The following CNTN5 variants were observed in gnomAD, a reference collection of about 807,000 sequenced individuals.
CNTN5 encodes the protein contactin-5.
Under a neutral mutation model 129.1 loss-of-function variants are expected in CNTN5, and 77 were observed. The observed-to-expected ratio is 0.60, with a 90% CI of 0.50 to 0.72. The LOEUF (loss-of-function observed/expected upper bound fraction) is 0.72. CNTN5 is among the 30% of genes least tolerant of loss of function. The pLI is 0.00. For synonymous variants in CNTN5, 509 were observed against 465.6 expected, an observed-to-expected ratio of 1.09 and a Z score of -1.20; for missense variants, 1,478 against 1,328.8, an observed-to-expected ratio of 1.11 and a Z score of -1.75.
chr11:99,946,872 C>T (rs545796238), intron 7 of CNTN5, among the ~76,000 whole-genome samples: 2 of 151,696 alleles, frequency 1.3e-5, no homozygotes, highest in East Asian at 1.9e-4. Context: ...AAAAAATTGT[C>T]TAGTAAGATA....
At chr11:100,055,835 CAT>C (rs2137771924) in intron 9 of CNTN5, among the ~76,000 whole-genome samples, 1 of 151,558 alleles carries the variant, frequency 6.6e-6, no homozygotes, top group South Asian at 2.1e-4. Context: ...TCAGATATTA[CAT>C]AGTCTTCTCT....
At chr11:99,118,882 A>ATATTTAGATATTTCATACT (rs1858170222) in intron 1 of CNTN5, among the ~76,000 whole-genome samples, 1 of 151,550 alleles carries the variant, frequency 6.6e-6, no homozygotes. Context: ...ATATCTAAAT[A>ATATTTAGATATTTCATACT]TATTTAGGTA....
intron 16 of CNTN5, among the ~76,000 whole-genome samples, chr11:100,227,835 A>C (rs1367702267): frequency 6.6e-6 from 1 of 152,196 alleles, no homozygotes; most frequent in Non-Finnish European, 1.5e-5. Context: ...GAACTCGATC[A>C]TGCTATTAAG....
rs1040593922 is a variant in CNTN5 at position 99,219,612 on chromosome 11, C to T, written c.-209-105734C>T. Among the ~76,000 whole-genome samples, 22 of 150,784 alleles carry T rather than the reference C, an allele frequency of 1.5e-4. 1 individual carries two copies. Among genetic ancestry groups the T allele is most frequent in the Admixed American group, 5.3e-4 (8 of 15,116 alleles). On this transcript the variant is annotated intron_variant, in intron 1 of 24. Transcript: ENST00000524871. ...GTGATGGAGAGCCACATACATCTTT[C>T]AGCACTTGTAGACCATGGCAAAGAC... is the stretch of plus-strand genomic sequence containing the variant.
At chr11:99,176,323 C>T (rs1401194987) in intron 1 of CNTN5, among the ~76,000 whole-genome samples, 3 of 152,112 alleles carry the variant, frequency 2.0e-5, no homozygotes, top group Non-Finnish European at 4.4e-5. Flanking sequence ...TGTGCTACCT[C>T]ACTTCCTTGA....
At chr11:100,246,830 C>A (rs1949851076) in intron 16 of CNTN5, among the ~76,000 whole-genome samples, 1 of 152,068 alleles carries the variant, frequency 6.6e-6, no homozygotes, top group Admixed American at 6.6e-5. Flanking sequence ...ATCTGTTAAG[C>A]TAATAAAAAT....
At chr11:99,844,818 G>A (rs1947629730) in intron 4 of CNTN5, 34 bp from the exon 5 acceptor site, 2 of 1,579,682 alleles carry the variant, frequency 1.3e-6, no homozygotes, top group East Asian at 2.3e-5. Context: ...GCTAGTTTAA[G>A]GAAATTTAAA....
chr11:99,432,444 T>TCTTTCCTTTTCTTTTCTTTC (rs1943414811), intron 2 of CNTN5, among the ~76,000 whole-genome samples: 21 of 139,810 alleles, frequency 1.5e-4, no homozygotes, highest in Non-Finnish European at 6.2e-5. Flanking sequence ...TCTTTCCTTT[T>TCTTTCCTTTTCTTTTCTTTC]CTTTTCTTTT....
At chr11:99,395,792 A>G (rs1276719785) in intron 2 of CNTN5, among the ~76,000 whole-genome samples, 2 of 152,036 alleles carry the variant, frequency 1.3e-5, no homozygotes, top group South Asian at 4.1e-4. Flanking sequence ...CTATTTATTG[A>G]ATAGGTAGTC....
chr11:100,064,888 T>G (rs1943635428), intron 10 of CNTN5, among the ~76,000 whole-genome samples: 1 of 152,042 alleles, frequency 6.6e-6, no homozygotes, highest in African/African-American at 2.4e-5. Context: ...CAAACATCAT[T>G]TAAGCAGTTT....
intron 9 of CNTN5, among the ~76,000 whole-genome samples, chr11:100,044,342 C>A (rs1047897497): frequency 3.3e-5 from 5 of 151,970 alleles, no homozygotes; most frequent in African/African-American, 1.2e-4. Context: ...TAGGTAGATA[C>A]CCAGCAATGA....
At chr11:100,313,530 AT>A (rs1489664920) in intron 21 of CNTN5, among the ~76,000 whole-genome samples, 1 of 152,070 alleles carries the variant, frequency 6.6e-6, no homozygotes, top group Non-Finnish European at 1.5e-5. Flanking sequence ...ATCACATTGA[AT>A]TTTTGATGCC....
chr11:99,203,460 T>C (rs1859318443), intron 1 of CNTN5, among the ~76,000 whole-genome samples: 1 of 152,048 alleles, frequency 6.6e-6, no homozygotes, highest in Non-Finnish European at 1.5e-5. Context: ...ATTTGTATCA[T>C]ATAATAAGTT....
chr11:99,519,083 T>C (rs1457334429), intron 2 of CNTN5, among the ~76,000 whole-genome samples: 1 of 152,036 alleles, frequency 6.6e-6, no homozygotes, highest in East Asian at 1.9e-4. Context: ...GGTCTACCAG[T>C]ACCCCATCTC....
chr11:99,360,148 A>G (rs1028801328), intron 2 of CNTN5, among the ~76,000 whole-genome samples: 3 of 152,224 alleles, frequency 2.0e-5, no homozygotes, highest in Admixed American at 1.3e-4. Flanking sequence ...TCCATGGCCC[A>G]CCTTCCAGAC....
chr11:99,985,768 T>G (rs1416356994), intron 8 of CNTN5, among the ~76,000 whole-genome samples: 2 of 152,186 alleles, frequency 1.3e-5, no homozygotes, highest in Non-Finnish European at 2.9e-5. Flanking sequence ...CATCCGTCTT[T>G]TAATAACCCC....
chr11:99,845,366 CTTTT>C (rs869305728), intron 6 of CNTN5, 104 bp downstream of exon 6: 99 of 86,158 alleles, frequency 1.1e-3, no homozygotes, highest in South Asian at 6.9e-3. Context: ...GATCTCAAAT[CTTTT>C]TTTTTTTTTT....
At chr11:99,214,369 A>AAAATATATATATTATATATGTATATAAAT (rs1555079840) in intron 1 of CNTN5, among the ~76,000 whole-genome samples, 14 of 144,680 alleles carry the variant, frequency 9.7e-5, no homozygotes, top group South Asian at 4.3e-4. Flanking sequence ...AAGATACCAA[A>AAAATATATATATTATATATGTATATAAAT]AAATATATAT....
chr11:99,422,032 C>G (rs954003818), intron 2 of CNTN5, among the ~76,000 whole-genome samples: 4 of 152,148 alleles, frequency 2.6e-5, no homozygotes, highest in African/African-American at 7.2e-5. Context: ...ACCTTCTACC[C>G]TCACTAGGTA....
Sources: allele counts gnomAD v4.1 joint callset (sites outside exome capture counted in the v4.1 genomes callset), GRCh38; gene constraint gnomAD v4.1.1; transcripts MANE v1.5; gene names NCBI Gene and HGNC (gene_info 2026-07-23, HGNC 2026-07-21).